Variants in GLIS1 observed in about 807,000 individuals in gnomAD.
GLIS1 encodes the protein GLIS family zinc finger 1.
In GLIS1, 24 loss-of-function variants were observed where a neutral mutation model predicts 63.8. The observed-to-expected ratio is 0.38, with a 90% CI of 0.27 to 0.53. The LOEUF (loss-of-function observed/expected upper bound fraction) is 0.53, where lower values mean the gene tolerates loss of function less well. GLIS1 is among the 20% of genes least tolerant of loss of function. GLIS1 has a pLI of 0.85. For missense variants in GLIS1, 1,036 were observed against 1,074.1 expected, an observed-to-expected ratio of 0.96 and a Z score of 0.50; for synonymous variants, 450 against 482.5, an observed-to-expected ratio of 0.93 and a Z score of 0.88.
intron 2 of GLIS1, among the ~76,000 whole-genome samples, chr1:53,603,280 C>T (rs1645337029): frequency 6.6e-6 from 1 of 152,184 alleles, no homozygotes. Flanking sequence ...TGGGTGGAAA[C>T]ATCAACCTCC....
intron 2 of GLIS1, among the ~76,000 whole-genome samples, chr1:53,617,453 A>C (rs967636519): frequency 1.3e-5 from 2 of 152,268 alleles, no homozygotes; most frequent in Non-Finnish European, 2.9e-5. Context: ...ATGTAAATTG[A>C]GGAAAGACTA....
At chr1:53,670,642 G>A (rs139809117) in intron 2 of GLIS1, among the ~76,000 whole-genome samples, 12 of 152,310 alleles carry the variant, frequency 7.9e-5, no homozygotes, top group African/African-American at 2.9e-4. Flanking sequence ...ATTGCTTCAT[G>A]CTGGGTCTCC....
At chr1:53,632,748 CGTGT>C (rs1163816876) in intron 2 of GLIS1, among the ~76,000 whole-genome samples, 1 of 129,612 alleles carries the variant, frequency 7.7e-6, no homozygotes, top group Non-Finnish European at 1.6e-5. Flanking sequence ...GACCGAGGGG[CGTGT>C]GTATGAGTGT....
At chr1:53,609,266 C>CTTTTTTTTTTTTTT (rs1221426769) in intron 2 of GLIS1, among the ~76,000 whole-genome samples, 6 of 81,378 alleles carry the variant, frequency 7.4e-5, no homozygotes, top group South Asian at 5.3e-4. Flanking sequence ...GGGTTTAAAT[C>CTTTTTTTTTTTTTT]TTTTTTTTTT....
chr1:53,678,156 T>C (rs1202433586), intron 2 of GLIS1, among the ~76,000 whole-genome samples: 2 of 152,032 alleles, frequency 1.3e-5, no homozygotes, highest in Non-Finnish European at 2.9e-5. Flanking sequence ...GGCACCCCCA[T>C]CAGACCTGAT....
At position 53,656,593 on chromosome 1, in the gene GLIS1, G is replaced by A. The variant is rs553250179; in HGVS notation, c.260-56315C>T. Among the ~76,000 whole-genome samples the A allele has an allele frequency of 5.3e-5, 8 of 152,322 alleles. No individual in the cohort carries two copies. In the South Asian group the frequency reaches 1.0e-3, roughly 20 times the overall value. On this transcript the variant is annotated intron_variant, in intron 2 of 10. Coordinates refer to ENST00000628545, the MANE Select transcript of GLIS1 (RefSeq NM_001367484.1). ...GAACACATCTTATAGACTTCTCCTC[G>A]TGCGATTTGCAATCTGTGATGGATT...
rs1173177761 is a variant in GLIS1 at position 53,598,607 on chromosome 1, T to A, written c.437+1494A>T. ...TGAGTACTCAGCGACAAGGCGGTCA[T>A]CTGCGAGCTAAGGAGAGAGGCCTCA... On this transcript the variant is annotated intron_variant, in intron 3 of 10. Coordinates refer to ENST00000628545, the MANE Select transcript of GLIS1 (RefSeq NM_001367484.1). This position sits in a 1 kb window ranked among gnomAD's most constrained non-coding sequence, Gnocchi z 4.6. Among the ~76,000 whole-genome samples, 3 of 151,690 alleles carry A rather than the reference T, an allele frequency of 2.0e-5. No individual in the cohort carries two copies. The highest frequency in any genetic ancestry group is 2.9e-5 in the Non-Finnish European group (2 of 67,992).
intron 4 of GLIS1, among the ~76,000 whole-genome samples, chr1:53,563,426 C>T (rs1644909927): frequency 6.6e-6 from 1 of 152,180 alleles, no homozygotes; most frequent in Non-Finnish European, 1.5e-5. Context: ...ACAGAATTTC[C>T]AGAAATTAAA....
chr1:53,614,918 ACTCT>A (rs944536577), intron 2 of GLIS1, among the ~76,000 whole-genome samples: 22 of 151,148 alleles, frequency 1.5e-4, no homozygotes, highest in African/African-American at 4.7e-4. Context: ...ACTCACACAC[ACTCT>A]CACACACATA....
At chr1:53,506,928 A>C in intron 10 of GLIS1, 152 bp from the exon 11 acceptor site, 7 of 801,320 alleles carry the variant, frequency 8.7e-6, no homozygotes, top group Non-Finnish European at 1.3e-5. Flanking sequence ...ACTTTTCCAA[A>C]TGGGGGAGCT....
At position 53,509,148 on chromosome 1, in the gene GLIS1, G is replaced by C; in HGVS notation, c.2202C>G (p.His734Gln). The C allele has an allele frequency of 6.3e-7, 1 of 1,592,462 alleles. No homozygotes were observed. The highest frequency in any genetic ancestry group is 1.1e-5 in the South Asian group (1 of 88,436). Residue 734 changes from histidine to glutamine, a missense_variant, in exon 10 of 11, where the codon CAC (histidine) becomes CAG (glutamine). This residue lies in a region of GLIS1 where 400 missense variants were observed against 400.9 expected (regional missense o/e 1.00). Coordinates refer to ENST00000628545, the MANE Select transcript of GLIS1 (RefSeq NM_001367484.1). The stretch of plus-strand genomic sequence containing the variant: ...TGGCAGGCAAGGGCGTGCTGAGGCT[G>C]TGGTAGCCATTGGGCCGCAGGGGGT... ...GFNPLRPNGY[H>Q]SLSTPLPATG...
chr1:53,529,990 TG>T, intron 4 of GLIS1, 38 bp from the exon 5 acceptor site: 1 of 1,598,944 alleles, frequency 6.3e-7, no homozygotes. Flanking sequence ...CCCAGCCCGG[TG>T]GGCACCCCAA....
intron 2 of GLIS1, among the ~76,000 whole-genome samples, chr1:53,603,410 G>A (rs1406014902): frequency 6.6e-6 from 1 of 152,188 alleles, no homozygotes; most frequent in Non-Finnish European, 1.5e-5. Context: ...TCTGCCCCGG[G>A]ATACCTGCTG....
intron 7 of GLIS1, among the ~76,000 whole-genome samples, chr1:53,518,368 C>T (rs770461753): frequency 2.6e-5 from 4 of 152,110 alleles, no homozygotes; most frequent in African/African-American, 4.8e-5. Context: ...CTTCTGAGGC[C>T]GACGTGAGGA....
intron 2 of GLIS1, among the ~76,000 whole-genome samples, chr1:53,642,106 G>T (rs1197102137): frequency 6.6e-6 from 1 of 152,258 alleles, no homozygotes; most frequent in Non-Finnish European, 1.5e-5. Flanking sequence ...CCCAGAGCTT[G>T]TGGGGCCAGG....
At chr1:53,731,993 G>A (rs1008258595) in intron 2 of GLIS1, among the ~76,000 whole-genome samples, 3 of 152,194 alleles carry the variant, frequency 2.0e-5, no homozygotes, top group South Asian at 2.1e-4. Flanking sequence ...CACAGGGCAC[G>A]GCCCACTTGC....
intron 9 of GLIS1, 83 bp downstream of exon 9, chr1:53,509,766 T>G: frequency 1.2e-6 from 1 of 838,136 alleles, no homozygotes; most frequent in Non-Finnish European, 1.6e-6. Context: ...CCTCCCCCAC[T>G]AGGTCACTGT....
chr1:53,662,920 G>T (rs1389327725), intron 2 of GLIS1, among the ~76,000 whole-genome samples: 3 of 152,192 alleles, frequency 2.0e-5, no homozygotes, highest in Admixed American at 1.3e-4. Context: ...TTTATAGATG[G>T]GGAAGCTGAT....
chr1:53,655,949 C>G (rs1357521953), intron 2 of GLIS1, among the ~76,000 whole-genome samples: 1 of 152,172 alleles, frequency 6.6e-6, no homozygotes, highest in African/African-American at 2.4e-5. Context: ...AGTGGTTTGT[C>G]TAAGATCCCA....
Sources: allele counts gnomAD v4.1 joint callset (sites outside exome capture counted in the v4.1 genomes callset), GRCh38; gene constraint gnomAD v4.1.1; regional missense constraint gnomAD v4.1.1; non-coding constraint Gnocchi (gnomAD v3.1); transcripts MANE v1.5; gene names NCBI Gene and HGNC (gene_info 2026-07-23, HGNC 2026-07-21).